Variants in LRP1B observed in about 807,000 individuals in gnomAD.
The protein encoded by LRP1B is LDL receptor related protein 1B, also known as low-density lipoprotein receptor-related protein 1B.
LRP1B carries 217 observed loss-of-function variants against 556.6 expected under a neutral mutation model. That is an observed-to-expected ratio of 0.39 (90% CI 0.35 to 0.44). The LOEUF (loss-of-function observed/expected upper bound fraction) is 0.44. Ranked by LOEUF, LRP1B falls within the 20% of genes least tolerant of loss-of-function variation. The pLI is 1.00. For synonymous variants in LRP1B, 2,047 were observed against 1,865.8 expected, an observed-to-expected ratio of 1.10 and a Z score of -2.50; for missense variants, 5,053 against 5,620.8, an observed-to-expected ratio of 0.90 and a Z score of 3.23.
At chr2:141,616,912 C>T (rs1401963109) in intron 2 of LRP1B, among the ~76,000 whole-genome samples, 1 of 152,132 alleles carries the variant, frequency 6.6e-6, no homozygotes, top group African/African-American at 2.4e-5. Context: ...CTTCTTTCCC[C>T]TCCTCTTCAG....
intron 82 of LRP1B, 52 bp downstream of exon 82, chr2:140,321,911 A>C: frequency 6.4e-7 from 1 of 1,551,738 alleles, no homozygotes; most frequent in Non-Finnish European, 8.8e-7. Flanking sequence ...GAGGTGTGAA[A>C]TTTTATGATA....
chr2:141,879,901 T>G (rs1020044028), intron 1 of LRP1B, among the ~76,000 whole-genome samples: 2 of 152,076 alleles, frequency 1.3e-5, no homozygotes, highest in African/African-American at 4.8e-5. Context: ...AGCTTGTTGA[T>G]GCACACTTTG....
chr2:140,825,324 C>T (rs1432236645), intron 31 of LRP1B, among the ~76,000 whole-genome samples: 4 of 152,250 alleles, frequency 2.6e-5, no homozygotes, highest in East Asian at 1.9e-4. Flanking sequence ...TGGGAAGTTT[C>T]GGTCACACTG....
intron 3 of LRP1B, among the ~76,000 whole-genome samples, chr2:141,256,243 A>G (rs1684460873): frequency 6.6e-6 from 1 of 152,004 alleles, no homozygotes; most frequent in Non-Finnish European, 1.5e-5. Context: ...GGATAGACAA[A>G]ATTAATGAGA....
chr2:141,184,478 G>T (rs1681150561), intron 7 of LRP1B, among the ~76,000 whole-genome samples: 1 of 151,744 alleles, frequency 6.6e-6, no homozygotes, highest in Non-Finnish European at 1.5e-5. Context: ...CTGAAAACTT[G>T]GGGACACAGA....
intron 1 of LRP1B, among the ~76,000 whole-genome samples, chr2:141,974,490 G>C (rs1008529464): frequency 7.2e-5 from 11 of 151,990 alleles, no homozygotes; most frequent in African/African-American, 2.7e-4. Flanking sequence ...TTTGTCACCA[G>C]TTAAACAGTA....
intron 2 of LRP1B, among the ~76,000 whole-genome samples, chr2:141,656,885 A>T (rs1009283207): frequency 1.1e-4 from 17 of 152,098 alleles, no homozygotes. Context: ...ACATACAAAG[A>T]TATGCTAATA....
At chr2:142,107,619 TTTTG>T (rs1706797317) in intron 1 of LRP1B, among the ~76,000 whole-genome samples, 2 of 150,688 alleles carry the variant, frequency 1.3e-5, no homozygotes, top group African/African-American at 4.8e-5. Context: ...ATAATGTGTC[TTTTG>T]TTTTGTTTTG....
intron 41 of LRP1B, among the ~76,000 whole-genome samples, chr2:140,644,373 G>A (rs1024184212): frequency 2.0e-5 from 3 of 151,026 alleles, no homozygotes; most frequent in Admixed American, 1.3e-4. Context: ...ACACATAATA[G>A]CATCAATCAT....
At chr2:141,446,269 A>G (rs1221078231) in intron 3 of LRP1B, among the ~76,000 whole-genome samples, 1 of 152,106 alleles carries the variant, frequency 6.6e-6, no homozygotes, top group Non-Finnish European at 1.5e-5. Context: ...TTTGGTAAAT[A>G]TTCCTCCATT....
chr2:141,301,682 G>C (rs190706737), intron 3 of LRP1B, among the ~76,000 whole-genome samples: 1 of 152,230 alleles, frequency 6.6e-6, no homozygotes, highest in African/African-American at 2.4e-5. Context: ...CTCATTTCCT[G>C]AACAGTGCTA....
At chr2:141,515,655 A>AC (rs1196832595) in intron 2 of LRP1B, among the ~76,000 whole-genome samples, 1 of 152,202 alleles carries the variant, frequency 6.6e-6, no homozygotes, top group Non-Finnish European at 1.5e-5. Flanking sequence ...CTGGGGCTTT[A>AC]CATTCTGAAT....
chr2:141,874,374 T>C (rs1011814105), intron 1 of LRP1B, among the ~76,000 whole-genome samples: 26 of 135,188 alleles, frequency 1.9e-4, no homozygotes, highest in Admixed American at 4.0e-4. Flanking sequence ...AATATTATTT[T>C]GTTTGAATTT....
chr2:142,097,809 AT>A (rs1201512826), intron 1 of LRP1B, among the ~76,000 whole-genome samples: 1 of 151,674 alleles, frequency 6.6e-6, no homozygotes, highest in Non-Finnish European at 1.5e-5. Flanking sequence ...TGAAGCACTC[AT>A]TTTTTTAAAT....
Position 140,701,844 on chromosome 2 carries a change from C to T in LRP1B, c.6304G>A (p.Ala2102Thr), listed in dbSNP as rs764565669. 18 of 1,612,470 alleles carry T rather than the reference C, an allele frequency of 1.1e-5. No homozygotes were observed. In the Admixed American group the frequency reaches 2.7e-4, roughly 24 times the overall value. ...FGAYIYWSDR[A>T]HANGSVRRGH... ...CTTCTGACAGACCCGTTTGCATGTG[C>T]TCTGCCAAAAAGTTGAACATACATG... The change falls in exon 40 of 91, where the codon GCA becomes ACA. Residue 2102 changes from alanine (A) to threonine (T), a missense_variant and splice_region_variant. By Grantham distance (58) the Ala-to-Thr change is moderately conservative (BLOSUM62 0). Coordinates refer to ENST00000389484, the MANE Select transcript of LRP1B (RefSeq NM_018557.3).
chr2:141,634,935 A>G (rs1689054064), intron 2 of LRP1B, among the ~76,000 whole-genome samples: 2 of 151,976 alleles, frequency 1.3e-5, no homozygotes, highest in African/African-American at 4.8e-5. Context: ...TATGATTGTA[A>G]AATGACCATT....
intron 2 of LRP1B, among the ~76,000 whole-genome samples, chr2:141,483,795 C>A (rs1260090000): frequency 1.3e-4 from 19 of 151,806 alleles, no homozygotes; most frequent in African/African-American, 4.6e-4. Flanking sequence ...CCTTTGCCCA[C>A]TTTTTGATGG....
intron 3 of LRP1B, among the ~76,000 whole-genome samples, chr2:141,288,735 T>C (rs1685822419): frequency 1.3e-5 from 2 of 152,216 alleles, no homozygotes; most frequent in Non-Finnish European, 2.9e-5. Flanking sequence ...TTACATAATA[T>C]ACCTAAAACT....
At chr2:141,218,405 T>C (rs551167972) in intron 6 of LRP1B, among the ~76,000 whole-genome samples, 42 of 152,148 alleles carry the variant, frequency 2.8e-4, no homozygotes, top group Admixed American at 2.4e-3. Flanking sequence ...CAATTGTGGA[T>C]TGGATAAAGA....
Sources: allele counts gnomAD v4.1 joint callset (sites outside exome capture counted in the v4.1 genomes callset), GRCh38; gene constraint gnomAD v4.1.1; transcripts MANE v1.5; gene names NCBI Gene and HGNC (gene_info 2026-07-23, HGNC 2026-07-21).